SEMA3B: variants seen among roughly 807,000 people sequenced by gnomAD.
SEMA3B encodes the protein semaphorin-3B.
In SEMA3B, 71 loss-of-function variants were observed where a neutral mutation model predicts 77.8. The ratio of observed to expected loss-of-function variants is 0.91; its 90% confidence interval spans 0.75 to 1.11. The LOEUF is 1.11. SEMA3B is among the 50% of genes most tolerant of loss of function. SEMA3B has a pLI of 0.00. For synonymous variants in SEMA3B, 470 were observed against 452.9 expected, an observed-to-expected ratio of 1.04 and a Z score of -0.48; for missense variants, 968 against 1,056.8, an observed-to-expected ratio of 0.92 and a Z score of 1.17.
rs1701276783 is a variant in SEMA3B, at chr3:50,276,904, C to G, written c.*198C>G. ...AGGATAACCCTTGAATGTAGCAGCCCCGGGAGGGCGGCACAGGTCGGGCGC... is the reference window on the plus strand; with the variant it reads ...AGGATAACCCTTGAATGTAGCAGCCGCGGGAGGGCGGCACAGGTCGGGCGC... On this transcript the variant is annotated 3_prime_UTR_variant, in exon 17 of 17. Coordinates refer to ENST00000616701, the MANE Select transcript of SEMA3B (RefSeq NM_001290060.2). This position sits in a 1 kb window ranked among gnomAD's most constrained non-coding sequence, Gnocchi z 5.8. The G allele has an allele frequency of 4.9e-6, 3 of 607,732 alleles. No homozygotes were observed. Among genetic ancestry groups the G allele is most frequent in the Non-Finnish European group, 7.7e-6 (3 of 388,418 alleles). 37.6% of individuals were successfully genotyped at this position (607,732 alleles called of 1,614,324 possible).
chr3:50,271,784 G>A (rs1701062659), intron 6 of SEMA3B, among the ~76,000 whole-genome samples: 1 of 152,196 alleles, frequency 6.6e-6, no homozygotes, highest in African/African-American at 2.4e-5. Flanking sequence ...CTGTGCTGAG[G>A]GGAGTATGAG....
intron 5 of SEMA3B, 53 bp from the exon 6 acceptor site, chr3:50,271,308 C>T: frequency 6.4e-7 from 1 of 1,551,862 alleles, no homozygotes; most frequent in Non-Finnish European, 8.7e-7. Flanking sequence ...TCCCCAGGCC[C>T]TCCTGCCCCA....
At position 50,276,487 on chromosome 3, in the gene SEMA3B, T is replaced by TGCGCCCGCC; in HGVS notation, c.2037_2045dup (p.Ala680_Pro682dup). 1 of 1,530,124 alleles carries TGCGCCCGCC rather than the reference T, an allele frequency of 6.5e-7. No individual in the cohort carries two copies. The highest frequency in any genetic ancestry group is 8.7e-7 in the Non-Finnish European group (1 of 1,143,376). The allele number at this position is 1,530,124 out of a possible 1,614,324, so 94.8% of individuals were successfully genotyped here. On this transcript the variant is annotated inframe_insertion, in exon 17 of 17. Coordinates refer to ENST00000616701, the MANE Select transcript of SEMA3B (RefSeq NM_001290060.2). This position sits in a 1 kb window ranked among gnomAD's most constrained non-coding sequence, Gnocchi z 5.8. ...AACGACTGGCGCGGGCCGAGGAGGC[T>TGCGCCCGCC]GCGCCCGCCGCGCCGCCGGGCCCCA... is the stretch of plus-strand genomic sequence containing the variant.
At chr3:50,264,594 CA>C (rs1700870533), upstream of SEMA3B, among the ~76,000 whole-genome samples, 1 of 152,190 alleles carries the variant, frequency 6.6e-6, no homozygotes, top group Admixed American at 6.5e-5. Context: ...TCCCCCAGAG[CA>C]TTCAGAGCCC....
In SEMA3B at chr3:50,269,209, C is replaced by A. The variant is rs1190123987; in HGVS notation, c.-32C>A. On this transcript the variant is annotated 5_prime_UTR_variant, in exon 1 of 17. Coordinates refer to ENST00000616701, the MANE Select transcript of SEMA3B (RefSeq NM_001290060.2). The surrounding 1 kb of genome is among the most constrained non-coding windows in gnomAD (Gnocchi z 4.0). ...GCTCAAGGCTCCTCCACACACACAC[C>A]CGCTGAACCCTGAGCACCCTGAGCT... 4.7e-6 allele frequency: 7 copies of A among 1,475,190 alleles called. No homozygotes were observed. The East Asian group carries it at 1.2e-4, about 26-fold the overall frequency. 91.4% of individuals were successfully genotyped at this position (1,475,190 alleles called of 1,614,324 possible).
At position 50,270,807 on chromosome 3, in the gene SEMA3B, G is replaced by A. The variant is rs1055960790; in HGVS notation, c.331-83G>A. ...TTGCCTGGGCTGATGCCGAAGAGAG[G>A]GAGGGGTGAGGATGCCACTGGTGAG... On this transcript the variant is annotated intron_variant, in intron 3 of 16. Transcript: ENST00000616701. This position sits in a 1 kb window ranked among gnomAD's most constrained non-coding sequence, Gnocchi z 4.7. 1 of 1,536,094 alleles carries A rather than the reference G, an allele frequency of 6.5e-7. No homozygotes were observed.
In SEMA3B at chr3:50,270,762, C is replaced by T. The variant is rs951175341; in HGVS notation, c.331-128C>T. On this transcript the variant is annotated intron_variant, in intron 3 of 16. Transcript: ENST00000616701. This position sits in a 1 kb window ranked among gnomAD's most constrained non-coding sequence, Gnocchi z 4.7. Reference sequence around the variant, plus strand: ...GCTGGTCAGCAAGGGCCCCCAGGTCCCTGTAGCCCATGTTAGTACTTGCCT... The same window carrying T: ...GCTGGTCAGCAAGGGCCCCCAGGTCTCTGTAGCCCATGTTAGTACTTGCCT... 9.7e-6 allele frequency: 14 copies of T among 1,443,216 alleles called. No homozygotes were observed. In the African/African-American group the frequency reaches 1.6e-4, roughly 16 times the overall value. The allele number at this position is 1,443,216 out of a possible 1,614,324, so 89.4% of individuals were successfully genotyped here.
chr3:50,273,066 A>AG lies in SEMA3B; in HGVS notation c.665-230dup. 1 of 567,574 alleles carries AG rather than the reference A, an allele frequency of 1.8e-6. No individual in the cohort carries two copies. Among genetic ancestry groups the AG allele is most frequent in the Non-Finnish European group, 3.0e-6 (1 of 337,628 alleles). The allele number at this position is 567,574 out of a possible 1,614,324, so 35.2% of individuals were successfully genotyped here. A position where few individuals can be genotyped will look rare whatever the true frequency, so the allele number is the denominator to read the frequency against. ...AGCCGGGCTTCACGCCTGCGCCCCCAGGTAGCCACGGTCTCTGCTGCCCCC... is the reference window on the plus strand; with the variant it reads ...AGCCGGGCTTCACGCCTGCGCCCCCAGGGTAGCCACGGTCTCTGCTGCCCCC... On this transcript the variant is annotated intron_variant, in intron 6 of 16. Coordinates refer to ENST00000616701, the MANE Select transcript of SEMA3B (RefSeq NM_001290060.2). The surrounding 1 kb of genome is among the most constrained non-coding windows in gnomAD (Gnocchi z 6.5).
In SEMA3B at chr3:50,270,597, G is replaced by T; in HGVS notation, c.330+102G>T. On this transcript the variant is annotated intron_variant, in intron 3 of 16. Coordinates refer to ENST00000616701, the MANE Select transcript of SEMA3B (RefSeq NM_001290060.2). This position sits in a 1 kb window ranked among gnomAD's most constrained non-coding sequence, Gnocchi z 4.7. ...GGCCTGCCTGTTCTGGCTGGGATGA[G>T]GGCAGGGAGGTCGAGGTGGCTGAGG... 6.6e-7 allele frequency: 1 copy of T among 1,524,742 alleles called. No individual in the cohort carries two copies. Among genetic ancestry groups the T allele is most frequent in the East Asian group, 2.3e-5 (1 of 43,784 alleles). 94.5% of individuals were successfully genotyped at this position (1,524,742 alleles called of 1,614,324 possible).
Position 50,275,170 on chromosome 3 carries a change from T to A in SEMA3B, c.1491+117T>A. ...CCGGGTTTGAGTACAGGCTCTGGCT[T>A]TGTTAGACTGTGTGACCTGAGGCGT... On this transcript the variant is annotated intron_variant, in intron 13 of 16. Coordinates refer to ENST00000616701, the MANE Select transcript of SEMA3B (RefSeq NM_001290060.2). The surrounding 1 kb of genome is among the most constrained non-coding windows in gnomAD (Gnocchi z 7.5). The A allele has an allele frequency of 6.8e-7, 1 of 1,463,426 alleles. No individual in the cohort carries two copies. The highest frequency in any genetic ancestry group is 9.1e-7 in the Non-Finnish European group (1 of 1,101,040). 90.7% of individuals were successfully genotyped at this position (1,463,426 alleles called of 1,614,324 possible). A position where few individuals can be genotyped will look rare whatever the true frequency, so the allele number is the denominator to read the frequency against.
In SEMA3B at chr3:50,275,920, C is replaced by T. The variant is rs1360922835; in HGVS notation, c.1845+76C>T. ...CCAGGAGAGGCCCCGCCCTACCCAACGAAGCCCCGTCCAACCAGACCCACT... is the reference window on the plus strand; with the variant it reads ...CCAGGAGAGGCCCCGCCCTACCCAATGAAGCCCCGTCCAACCAGACCCACT... On this transcript the variant is annotated intron_variant, in intron 16 of 16. Transcript: ENST00000616701. This position sits in a 1 kb window ranked among gnomAD's most constrained non-coding sequence, Gnocchi z 7.5. 2 of 1,481,894 alleles carry T rather than the reference C, an allele frequency of 1.3e-6. No individual in the cohort carries two copies. The highest frequency in any genetic ancestry group is 2.8e-5 in the African/African-American group (2 of 70,940). The allele number at this position is 1,481,894 out of a possible 1,614,324, so 91.8% of individuals were successfully genotyped here. A position where few individuals can be genotyped will look rare whatever the true frequency, so the allele number is the denominator to read the frequency against.
In SEMA3B at chr3:50,276,527, G is replaced by A. The variant is rs1168413092; in HGVS notation, c.2071G>A (p.Asp691Asn). The A allele has an allele frequency of 6.5e-7, 1 of 1,535,104 alleles. No individual in the cohort carries two copies. Among genetic ancestry groups the A allele is most frequent in the East Asian group, 2.5e-5 (1 of 40,734 alleles). ...GCCGGGCCCCAAACTCTGGTACCGG[G>A]ACTTTCTGCAGCTGGTGGAGCCGGG... ...APPGPKLWYR[D>N]FLQLVEPGGG... is the part of the protein sequence containing the mutation. Residue 691 changes from aspartate to asparagine, a missense_variant, in exon 17 of 17, where the codon GAC becomes AAC. Transcript: ENST00000616701. The surrounding 1 kb of genome is among the most constrained non-coding windows in gnomAD (Gnocchi z 5.8).
the SEMA3B span, chr3:50,261,847 C>T: frequency 2.6e-5 from 4 of 152,282 alleles, no homozygotes; most frequent in Non-Finnish European, 5.9e-5. Flanking sequence ...ACTCCAGCTG[C>T]CTGGTCAGTG....
Position 50,270,825 on chromosome 3 carries a change from C to A in SEMA3B, c.331-65C>A. 6.5e-7 allele frequency: 1 copy of A among 1,547,314 alleles called. No individual in the cohort carries two copies. The highest frequency in any genetic ancestry group is 2.0e-5 in the Admixed American group (1 of 50,936). The stretch of plus-strand genomic sequence containing the variant: ...AAGAGAGGGAGGGGTGAGGATGCCA[C>A]TGGTGAGCTGGGACCTCTTAAGGCT... On this transcript the variant is annotated intron_variant, in intron 3 of 16. Transcript: ENST00000616701. This position sits in a 1 kb window ranked among gnomAD's most constrained non-coding sequence, Gnocchi z 4.7.
chr3:50,266,803 G>A (rs957070230), upstream of SEMA3B: 1 of 152,206 alleles, frequency 6.6e-6, no homozygotes, highest in Non-Finnish European at 1.5e-5. Flanking sequence ...CTGAGGCTCC[G>A]AGGTGCAGGA....
chr3:50,270,152 G>A lies in SEMA3B; in HGVS notation c.135G>A (p.Gln45=), dbSNP rs782268520. The change falls in exon 2 of 17, where the codon CAG becomes CAA. Residue 45 remains glutamine (Q), a synonymous_variant. Coordinates refer to ENST00000616701, the MANE Select transcript of SEMA3B (RefSeq NM_001290060.2). The surrounding 1 kb of genome is among the most constrained non-coding windows in gnomAD (Gnocchi z 4.7). ...FQELQAWHGL[Q]TFSLERTCCY... ...AGCTCCAGGCCTGGCATGGTCTCCA[G>A]ACTTTCAGCCTGGAGCGAACCTGCT... 1.9e-6 allele frequency: 3 copies of A among 1,565,030 alleles called. No individual in the cohort carries two copies. The highest frequency in any genetic ancestry group is 2.6e-6 in the Non-Finnish European group (3 of 1,156,618).
In SEMA3B at chr3:50,273,022, T is replaced by TG; in HGVS notation, c.665-272dup. 2.2e-6 allele frequency: 1 copy of TG among 454,278 alleles called. No homozygotes were observed. Among genetic ancestry groups the TG allele is most frequent in the South Asian group, 2.4e-5 (1 of 41,054 alleles). 28.1% of individuals were successfully genotyped at this position (454,278 alleles called of 1,614,324 possible). The stretch of plus-strand genomic sequence containing the variant: ...CCAGCCTAAGGTGCTGGGCGACGTG[T>TG]GGGGCGAGATCGGAGGCTAGCCGGG... On this transcript the variant is annotated intron_variant, in intron 6 of 16. Transcript: ENST00000616701. This position sits in a 1 kb window ranked among gnomAD's most constrained non-coding sequence, Gnocchi z 6.5.
At position 50,274,157 on chromosome 3, in the gene SEMA3B, G is replaced by A. The variant is rs961855386; in HGVS notation, c.1137+100G>A. 2.2e-5 allele frequency: 33 copies of A among 1,534,222 alleles called. No homozygotes were observed. The highest frequency in any genetic ancestry group is 6.6e-5 in the Admixed American group (3 of 45,784). On this transcript the variant is annotated intron_variant, in intron 10 of 16. Coordinates refer to ENST00000616701, the MANE Select transcript of SEMA3B (RefSeq NM_001290060.2). This position sits in a 1 kb window ranked among gnomAD's most constrained non-coding sequence, Gnocchi z 4.7. ...TTGGTGAATGTGGTTTCTTCCTTTA[G>A]TTATGGGTGGGAAAACGTTTCCATC...
upstream of SEMA3B, among the ~76,000 whole-genome samples, chr3:50,265,795 G>T (rs1271956575): frequency 2.6e-5 from 4 of 152,180 alleles, no homozygotes; most frequent in Non-Finnish European, 4.4e-5. Flanking sequence ...CTCCATGGGG[G>T]CCCCTACCCA....
Sources: gnomAD v4.1 joint callset for allele counts (sites outside exome capture counted in the v4.1 genomes callset) on GRCh38, gnomAD v4.1.1 for gene constraint, Gnocchi (gnomAD v3.1) non-coding constraint, MANE v1.5 for transcripts, NCBI Gene and HGNC (gene_info 2026-07-23, HGNC 2026-07-21) for gene names.